ITGAV: variants seen among roughly 807,000 people sequenced by gnomAD.
The protein encoded by ITGAV is integrin alpha-V.
Under a neutral mutation model 143.8 loss-of-function variants are expected in ITGAV, and 76 were observed. The ratio of observed to expected loss-of-function variants is 0.53; its 90% CI spans 0.44 to 0.64. The LOEUF is 0.64. ITGAV is among the 30% of genes least tolerant of loss of function. ITGAV has a pLI of 0.00. For synonymous variants in ITGAV, 453 were observed against 446.7 expected (o/e 1.01, Z -0.18); for missense variants, 1,193 against 1,274.7 (o/e 0.94, Z 0.98).
chr2:186,643,890 C>T (rs756241773), intron 12 of ITGAV, among the ~76,000 whole-genome samples: 19 of 152,124 alleles, frequency 1.2e-4, no homozygotes, highest in African/African-American at 2.2e-4. Flanking sequence ...TTTTATTAAA[C>T]AGTCACTCAA....
intron 2 of ITGAV, among the ~76,000 whole-genome samples, chr2:186,612,946 ACAG>A (rs1687255674): frequency 3.3e-5 from 5 of 152,242 alleles, no homozygotes; most frequent in Non-Finnish European, 5.9e-5. Flanking sequence ...ACAGAATTAC[ACAG>A]AGAGCTGGTA....
Position 186,654,979 on chromosome 2 carries a change from A to G in ITGAV, c.1564+271A>G, listed in dbSNP as rs886930006. On this transcript the variant is annotated intron_variant, in intron 16 of 29. Coordinates refer to ENST00000261023, the MANE Select transcript of ITGAV (RefSeq NM_002210.5). ...CCTTTAGAAGTTTAAGCAGTTACGAATGTGACATAATGAACTCTGGGGAAA... is the reference window on the plus strand; with the variant it reads ...CCTTTAGAAGTTTAAGCAGTTACGAGTGTGACATAATGAACTCTGGGGAAA... 4.6e-5 allele frequency among the ~76,000 whole-genome samples: 7 copies of G among 152,330 alleles called. 1 individual carries two copies. The highest frequency in any genetic ancestry group is 6.8e-3 in the Middle Eastern group (2 of 294).
intron 1 of ITGAV, chr2:186,600,498 C>T: frequency 1.5e-6 from 2 of 1,347,850 alleles, no homozygotes; most frequent in Non-Finnish European, 2.0e-6. Flanking sequence ...AAATCTTTCC[C>T]CTCTCATCCT....
chr2:186,638,128 A>C (rs761292740), intron 8 of ITGAV, 149 bp from the exon 9 acceptor site: 2 of 669,288 alleles, frequency 3.0e-6, no homozygotes, highest in Non-Finnish European at 5.2e-6. Context: ...ATGCTGGGCT[A>C]TTTATTACGG....
At chr2:186,626,362 T>C (rs1687675381) in intron 4 of ITGAV, among the ~76,000 whole-genome samples, 1 of 152,218 alleles carries the variant, frequency 6.6e-6, no homozygotes, top group Admixed American at 6.5e-5. Context: ...CTACCCTTTG[T>C]TGAATTGGCT....
intron 1 of ITGAV, among the ~76,000 whole-genome samples, chr2:186,597,012 T>C (rs1686766140): frequency 6.6e-6 from 1 of 152,230 alleles, no homozygotes; most frequent in South Asian, 2.1e-4. Context: ...TTCACCAGTA[T>C]GCAAGTCTGC....
intron 2 of ITGAV, among the ~76,000 whole-genome samples, chr2:186,605,463 T>C (rs72903148): frequency 6.6e-6 from 1 of 152,086 alleles, no homozygotes; most frequent in Non-Finnish European, 1.5e-5. Context: ...CTCCCTCTTC[T>C]CACCTTGTAC....
At chr2:186,661,232 GA>G (rs1295833219) in intron 18 of ITGAV, among the ~76,000 whole-genome samples, 1 of 152,048 alleles carries the variant, frequency 6.6e-6, no homozygotes, top group Admixed American at 6.6e-5. Flanking sequence ...GGTTTTATTA[GA>G]AATTTTTTTT....
At chr2:186,665,267 C>T in intron 21 of ITGAV, 49 bp downstream of exon 21, 1 of 1,179,090 alleles carries the variant, frequency 8.5e-7, no homozygotes, top group Non-Finnish European at 1.3e-6. Flanking sequence ...AATAGAAAAG[C>T]ATATTGTTGT....
At position 186,669,747 on chromosome 2, in the gene ITGAV, A is replaced by G. The variant is rs1292745143; in HGVS notation, c.2639A>G (p.Gln880Arg). The G allele has an allele frequency of 3.7e-6, 6 of 1,614,126 alleles. No individual in the cohort carries two copies. The highest frequency in any genetic ancestry group is 1.1e-5 in the South Asian group (1 of 91,060). Residue 880 changes from glutamine (Q) to arginine (R), a missense_variant, in exon 26 of 30, where the codon CAA (glutamine) becomes CGA (arginine). Transcript: ENST00000261023. ...TTEKNDTVAGQGERDHLITKR... is the reference protein window; with the variant it reads ...TTEKNDTVAGRGERDHLITKR... ...GAAAAGAATGACACGGTTGCCGGGC[A>G]AGGTGAGCGGGACCATCTCATCACT... is the stretch of plus-strand genomic sequence containing the variant.
At position 186,641,256 on chromosome 2, in the gene ITGAV, T is replaced by G. The variant is rs188600916; in HGVS notation, c.957-130T>G. On this transcript the variant is annotated intron_variant, in intron 11 of 29. Transcript: ENST00000261023. ...TTCAAATTTGAAATGAGTGCTCTGG[T>G]AATCATTTTGTGTTTCACTGTGGGT... 5.2e-4 allele frequency: 355 copies of G among 681,722 alleles called. 2 individuals are homozygous for G. Among genetic ancestry groups the G allele is most frequent in the Non-Finnish European group, 4.6e-5 (18 of 394,552 alleles). 42.2% of individuals were successfully genotyped at this position (681,722 alleles called of 1,614,324 possible).
intron 2 of ITGAV, among the ~76,000 whole-genome samples, chr2:186,618,505 A>T (rs182841378): frequency 3.9e-5 from 6 of 152,358 alleles, no homozygotes; most frequent in African/African-American, 1.4e-4. Context: ...TGTTTTTGAT[A>T]CTTTTTTAAA....
chr2:186,669,762 A>G lies in ITGAV; in HGVS notation c.2654A>G (p.His885Arg), dbSNP rs1273026200. The stretch of plus-strand genomic sequence containing the variant: ...GTTGCCGGGCAAGGTGAGCGGGACC[A>G]TCTCATCACTAAGCGGGATCTTGCC... ...DTVAGQGERD[H>R]LITKRDLALS... is the part of the protein sequence containing the mutation. The change falls in exon 26 of 30, where the codon CAT becomes CGT. Residue 885 changes from histidine to arginine, a missense_variant. Coordinates refer to ENST00000261023, the MANE Select transcript of ITGAV (RefSeq NM_002210.5). 2.5e-6 allele frequency: 4 copies of G among 1,614,184 alleles called. No individual in the cohort carries two copies. The highest frequency in any genetic ancestry group is 3.4e-6 in the Non-Finnish European group (4 of 1,180,022).
intron 10 of ITGAV, among the ~76,000 whole-genome samples, chr2:186,638,993 C>A (rs973072042): frequency 6.8e-6 from 1 of 146,700 alleles, no homozygotes; most frequent in East Asian, 2.0e-4. Context: ...GAAAAGAATT[C>A]TTTAAATTCT....
intron 18 of ITGAV, among the ~76,000 whole-genome samples, chr2:186,661,453 A>T (rs11903048): frequency 0.28 from 42,972 of 151,912 alleles, 6,773 homozygotes; most frequent in Non-Finnish European, 0.36. Context: ...GCGAGCGGTT[A>T]CTATATTGGA....
chr2:186,625,720 T>C, intron 4 of ITGAV, 133 bp downstream of exon 4: 1 of 467,302 alleles, frequency 2.1e-6, no homozygotes, highest in South Asian at 5.2e-5. Flanking sequence ...ATTATGATGA[T>C]AACAAAATGA....
chr2:186,673,257 G>A (rs1185092987), intron 26 of ITGAV, among the ~76,000 whole-genome samples: 1 of 152,186 alleles, frequency 6.6e-6, no homozygotes, highest in Non-Finnish European at 1.5e-5. Flanking sequence ...TAGACATTCA[G>A]TTCTATTCAG....
At chr2:186,655,760 T>A (rs777736375) in intron 16 of ITGAV, among the ~76,000 whole-genome samples, 8 of 152,322 alleles carry the variant, frequency 5.3e-5, no homozygotes, top group Non-Finnish European at 1.2e-4. Context: ...TCTGACAGTT[T>A]GATATGATAG....
chr2:186,670,499 C>T (rs991808892), intron 26 of ITGAV, among the ~76,000 whole-genome samples: 1 of 152,106 alleles, frequency 6.6e-6, no homozygotes, highest in Non-Finnish European at 1.5e-5. Flanking sequence ...TGAGGTTTCA[C>T]CATGTTGCCC....
Sources: allele counts gnomAD v4.1 joint callset (sites outside exome capture counted in the v4.1 genomes callset), GRCh38; gene constraint gnomAD v4.1.1; transcripts MANE v1.5; gene names NCBI Gene and HGNC (gene_info 2026-07-23, HGNC 2026-07-21).